Variants in SH3GL3 observed in about 807,000 individuals in gnomAD.
The protein encoded by SH3GL3 is endophilin-A3.
A neutral mutation model predicts 47.7 loss-of-function variants in SH3GL3; 33 were observed. That is an observed-to-expected ratio of 0.69 (90% CI 0.52 to 0.92). The LOEUF is 0.92. Among genes scored for constraint, SH3GL3 ranks in the 40% least tolerant of loss-of-function variants. The pLI is 0.00. For synonymous variants in SH3GL3, 155 were observed against 148.8 expected, an observed-to-expected ratio of 1.04 and a Z score of -0.30; for missense variants, 363 against 417.8, an observed-to-expected ratio of 0.87 and a Z score of 1.14.
chr15:83,550,606 T>C (rs1186499065), intron 1 of SH3GL3, among the ~76,000 whole-genome samples: 1 of 152,136 alleles, frequency 6.6e-6, no homozygotes, highest in Non-Finnish European at 1.5e-5. Flanking sequence ...GCCAGGCTGG[T>C]CTCAAACTCC....
chr15:83,615,503 G>A (rs1596357943), intron 8 of SH3GL3, among the ~76,000 whole-genome samples: 3 of 152,096 alleles, frequency 2.0e-5, no homozygotes, highest in East Asian at 1.9e-4. Context: ...TTAGAGATGG[G>A]GTTTCACCAT....
intron 8 of SH3GL3, among the ~76,000 whole-genome samples, chr15:83,613,449 T>C (rs542292958): frequency 6.6e-6 from 1 of 152,336 alleles, no homozygotes; most frequent in Non-Finnish European, 1.5e-5. Context: ...AATGCAGCTT[T>C]TCCATGATTT....
the SH3GL3 span, among the ~76,000 whole-genome samples, chr15:83,627,323 G>T: frequency 2.6e-5 from 4 of 151,656 alleles, no homozygotes; most frequent in Admixed American, 2.0e-4. Flanking sequence ...GTTGAACCCG[G>T]GAGGCAGAGT....
In SH3GL3 at chr15:83,487,865, T is replaced by C. The variant is rs1024674639; in HGVS notation, c.45+40287T>C. On this transcript the variant is annotated intron_variant, in intron 1 of 8. Transcript: ENST00000427482. Reference sequence around the variant, plus strand: ...TTTTCTTTCTTTTTTTAATTTTCTTTTCTTTTTCTTTTCTTTTTTTTTTTT... The same window carrying C: ...TTTTCTTTCTTTTTTTAATTTTCTTCTCTTTTTCTTTTCTTTTTTTTTTTT... Among the ~76,000 whole-genome samples, 109 of 150,690 alleles carry C rather than the reference T, an allele frequency of 7.2e-4. 5 individuals are homozygous for C. Among genetic ancestry groups the C allele is most frequent in the Non-Finnish European group, 3.0e-4 (20 of 67,704 alleles).
In SH3GL3 at chr15:83,565,114, T is replaced by C; in HGVS notation, c.115-20T>C. 1 of 1,194,936 alleles carries C rather than the reference T, an allele frequency of 8.4e-7. No individual in the cohort carries two copies. Among genetic ancestry groups the C allele is most frequent in the Non-Finnish European group, 1.2e-6 (1 of 821,916 alleles). The allele number at this position is 1,194,936 out of a possible 1,614,324, so 74.0% of individuals were successfully genotyped here. A position where few individuals can be genotyped will look rare whatever the true frequency, so the allele number is the denominator to read the frequency against. ...ATTGAGTTTGTCATTTACTAACTTT[T>C]TTTAAATTTTGCTTTTAAGAAAATA... is the stretch of plus-strand genomic sequence containing the variant. On this transcript the variant is annotated intron_variant, in intron 2 of 8. Transcript: ENST00000427482.
At chr15:83,539,573 T>A (rs562309217) in intron 1 of SH3GL3, among the ~76,000 whole-genome samples, 2 of 152,364 alleles carry the variant, frequency 1.3e-5, no homozygotes, top group Admixed American at 1.3e-4. Context: ...GACTGTTTTT[T>A]AAAATATTGA....
intron 6 of SH3GL3, among the ~76,000 whole-genome samples, chr15:83,584,608 G>A (rs1044692552): frequency 2.6e-5 from 4 of 152,166 alleles, no homozygotes; most frequent in Non-Finnish European, 1.5e-5. Context: ...TGCATTATGA[G>A]TTTCTCACTT....
At chr15:83,461,392 A>G (rs551104870) in intron 1 of SH3GL3, among the ~76,000 whole-genome samples, 6 of 152,330 alleles carry the variant, frequency 3.9e-5, no homozygotes, top group South Asian at 2.1e-4. Context: ...AGTTAATTAC[A>G]TGGGACTAAA....
chr15:83,566,385 T>A lies in SH3GL3; in HGVS notation c.187+1179T>A, dbSNP rs558751247. ...GAGAGAGTGTGTGTGTGTGTGTGTG[T>A]GTGTGTGTGTGTGTGTGTGTGTAGT... On this transcript the variant is annotated intron_variant, in intron 3 of 8. Transcript: ENST00000427482. Among the ~76,000 whole-genome samples the A allele has an allele frequency of 9.1e-3, 1,376 of 151,742 alleles. 17 individuals carry two copies. The highest frequency in any genetic ancestry group is 0.014 in the Non-Finnish European group (948 of 67,880).
At chr15:83,599,350 T>C (rs903084896) in intron 8 of SH3GL3, among the ~76,000 whole-genome samples, 13 of 152,294 alleles carry the variant, frequency 8.5e-5, no homozygotes, top group Non-Finnish European at 1.6e-4. Context: ...CCTTACCCCT[T>C]CCACCCTTTC....
intron 8 of SH3GL3, among the ~76,000 whole-genome samples, chr15:83,594,775 T>G (rs2060196538): frequency 6.6e-6 from 1 of 152,156 alleles, no homozygotes; most frequent in Non-Finnish European, 1.5e-5. Context: ...ATCACAGAGG[T>G]AAAGTGCCAT....
intron 1 of SH3GL3, 90 bp from the exon 2 acceptor site, chr15:83,559,163 A>G (rs1257620680): frequency 2.6e-6 from 2 of 773,374 alleles, no homozygotes; most frequent in Non-Finnish European, 4.3e-6. Context: ...GTTGAATCCA[A>G]GTTTTTTTGT....
intron 6 of SH3GL3, among the ~76,000 whole-genome samples, chr15:83,576,977 C>T (rs2151782839): frequency 7.9e-6 from 1 of 126,098 alleles, no homozygotes; most frequent in East Asian, 2.3e-4. Context: ...AGTGCAGTGT[C>T]TCGGCTCACT....
At chr15:83,457,482 A>C (rs1445476114) in intron 1 of SH3GL3, among the ~76,000 whole-genome samples, 1 of 152,204 alleles carries the variant, frequency 6.6e-6, no homozygotes, top group Non-Finnish European at 1.5e-5. Flanking sequence ...ATAAGGGGTC[A>C]TGAGGGGCCT....
At chr15:83,477,132 A>G (rs1338062970) in intron 1 of SH3GL3, among the ~76,000 whole-genome samples, 1 of 152,152 alleles carries the variant, frequency 6.6e-6, no homozygotes, top group African/African-American at 2.4e-5. Flanking sequence ...TGACTGTGGT[A>G]TGTTTGCTTG....
chr15:83,602,538 C>T (rs1276320220), intron 8 of SH3GL3, among the ~76,000 whole-genome samples: 1 of 152,138 alleles, frequency 6.6e-6, no homozygotes, highest in Non-Finnish European at 1.5e-5. Flanking sequence ...ACCTAATTAC[C>T]CCCAAGTCAC....
At chr15:83,551,073 C>T (rs2044643738) in intron 1 of SH3GL3, among the ~76,000 whole-genome samples, 1 of 152,172 alleles carries the variant, frequency 6.6e-6, no homozygotes, top group Admixed American at 6.5e-5. Flanking sequence ...CCATTAAAAA[C>T]CCAACACATC....
chr15:83,589,416 A>G (rs941850786), intron 8 of SH3GL3, among the ~76,000 whole-genome samples: 1 of 152,016 alleles, frequency 6.6e-6, no homozygotes, highest in African/African-American at 2.4e-5. Flanking sequence ...TTGCTCTGTC[A>G]CCCAGGCTGT....
chr15:83,458,304 C>T (rs1035508407), intron 1 of SH3GL3, among the ~76,000 whole-genome samples: 2 of 152,106 alleles, frequency 1.3e-5, no homozygotes, highest in Admixed American at 1.3e-4. Flanking sequence ...AAATGCTTTC[C>T]CAATGGGAAT....
Sources: allele counts gnomAD v4.1 joint callset (sites outside exome capture counted in the v4.1 genomes callset), GRCh38; gene constraint gnomAD v4.1.1; transcripts MANE v1.5; gene names NCBI Gene and HGNC (gene_info 2026-07-23, HGNC 2026-07-21).